LRIG3: variants seen among roughly 807,000 people sequenced by gnomAD.
The protein encoded by LRIG3 is leucine-rich repeats and immunoglobulin-like domains protein 3.
In LRIG3, 76 loss-of-function variants were observed where a neutral mutation model predicts 114.5. The ratio of observed to expected loss-of-function variants is 0.66; its 90% CI spans 0.55 to 0.80. The LOEUF (loss-of-function observed/expected upper bound fraction) is 0.80. Among genes scored for constraint, LRIG3 ranks in the 30% least tolerant of loss-of-function variants. The pLI is 0.00. For synonymous variants in LRIG3, 512 were observed against 519.8 expected, an observed-to-expected ratio of 0.98 and a Z score of 0.20; for missense variants, 1,239 against 1,382.8, an observed-to-expected ratio of 0.90 and a Z score of 1.65.
chr12:58,907,985 G>A (rs892174313), intron 3 of LRIG3, among the ~76,000 whole-genome samples: 3 of 152,112 alleles, frequency 2.0e-5, no homozygotes, highest in East Asian at 1.9e-4. Flanking sequence ...AAGAAAAATC[G>A]CCATCCTTGG....
chr12:58,896,297 C>T (rs1871639558), intron 3 of LRIG3, among the ~76,000 whole-genome samples: 1 of 152,278 alleles, frequency 6.6e-6, no homozygotes, highest in Admixed American at 6.5e-5. Context: ...CTTCTTGATT[C>T]ACTGTAATCT....
At chr12:58,906,145 T>C (rs1872056091) in intron 3 of LRIG3, among the ~76,000 whole-genome samples, 1 of 152,124 alleles carries the variant, frequency 6.6e-6, no homozygotes, top group Non-Finnish European at 1.5e-5. Flanking sequence ...GTCCACTTAA[T>C]AAAAACAAAA....
At chr12:58,893,801 C>T (rs557479743) in intron 3 of LRIG3, among the ~76,000 whole-genome samples, 1 of 152,166 alleles carries the variant, frequency 6.6e-6, no homozygotes, top group Non-Finnish European at 1.5e-5. Context: ...CCCGAGTGCC[C>T]CTCTCTCTAT....
rs1431044928 is a variant in LRIG3, at chr12:58,920,289, G to C, written c.-54C>G. On this transcript the variant is annotated 5_prime_UTR_variant, in exon 1 of 19. Coordinates refer to ENST00000320743, the MANE Select transcript of LRIG3 (RefSeq NM_153377.5). The stretch of plus-strand genomic sequence containing the variant: ...GAAGCTCCCAGCCGGCGCGCGCTCG[G>C]GGCCCGGCACAAACTTCCAGCCGAG... The C allele has an allele frequency of 1.6e-6, 2 of 1,275,526 alleles. No homozygotes were observed. The highest frequency in any genetic ancestry group is 2.0e-6 in the Non-Finnish European group (2 of 1,003,958). 79.0% of individuals were successfully genotyped at this position (1,275,526 alleles called of 1,614,324 possible).
chr12:58,910,361 G>C (rs1034095788), intron 3 of LRIG3, among the ~76,000 whole-genome samples: 3 of 152,176 alleles, frequency 2.0e-5, no homozygotes, highest in Admixed American at 6.5e-5. Flanking sequence ...TTTAATCCCA[G>C]CATTCTGGGA....
chr12:58,892,926 C>A (rs1367583064), intron 3 of LRIG3, among the ~76,000 whole-genome samples: 1 of 152,182 alleles, frequency 6.6e-6, no homozygotes, highest in African/African-American at 2.4e-5. Flanking sequence ...CAGATATGTA[C>A]CTCCCTTGAA....
In LRIG3 at chr12:58,890,115, T is replaced by G; in HGVS notation, c.540A>C (p.Thr180=). The G allele has an allele frequency of 6.2e-7, 1 of 1,613,790 alleles. No individual in the cohort carries two copies. The highest frequency in any genetic ancestry group is 1.1e-5 in the South Asian group (1 of 91,026). Reference sequence around the variant, plus strand: ...TGTCAAAATACCCAGGTTCCATTGATGTGACTCGGTTGCTGTTGAGATACC... The same window carrying G: ...TGTCAAAATACCCAGGTTCCATTGAGGTGACTCGGTTGCTGTTGAGATACC... ...KYLYLNSNRV[T]SMEPGYFDNL... The change falls in exon 5 of 19, where the codon ACA becomes ACC. Residue 180 remains threonine (T), a synonymous_variant. Coordinates refer to ENST00000320743, the MANE Select transcript of LRIG3 (RefSeq NM_153377.5).
chr12:58,905,035 G>GT (rs1480881414), intron 3 of LRIG3, among the ~76,000 whole-genome samples: 1 of 152,132 alleles, frequency 6.6e-6, no homozygotes, highest in Non-Finnish European at 1.5e-5. Flanking sequence ...TGGGAAATAC[G>GT]TATGCAAAAG....
intron 3 of LRIG3, among the ~76,000 whole-genome samples, chr12:58,899,264 T>C (rs1871756908): frequency 6.6e-6 from 1 of 152,228 alleles, no homozygotes; most frequent in Admixed American, 6.5e-5. Context: ...GTCCTTTCAA[T>C]CTAGAAATGT....
Position 58,920,321 on chromosome 12 carries a change from C to A in LRIG3, c.-86G>T. The A allele has an allele frequency of 9.9e-7, 1 of 1,010,900 alleles. No individual in the cohort carries two copies. Among genetic ancestry groups the A allele is most frequent in the East Asian group, 3.3e-5 (1 of 29,914 alleles). The allele number at this position is 1,010,900 out of a possible 1,614,324, so 62.6% of individuals were successfully genotyped here. A position where few individuals can be genotyped will look rare whatever the true frequency, so the allele number is the denominator to read the frequency against. Reference sequence around the variant, plus strand: ...GCACAAACTTCCAGCCGAGGGTGCACGCCCGCCCTCGCGGTCGCGTGCGCG... The same window carrying A: ...GCACAAACTTCCAGCCGAGGGTGCAAGCCCGCCCTCGCGGTCGCGTGCGCG... On this transcript the variant is annotated 5_prime_UTR_variant, in exon 1 of 19. Coordinates refer to ENST00000320743, the MANE Select transcript of LRIG3 (RefSeq NM_153377.5).
intron 13 of LRIG3, chr12:58,880,277 G>A: frequency 7.0e-6 from 3 of 427,356 alleles, no homozygotes; most frequent in Admixed American, 6.8e-5. Flanking sequence ...CCAGCCTTGG[G>A]TGACAGTGCA....
intron 13 of LRIG3, among the ~76,000 whole-genome samples, chr12:58,880,056 T>G (rs1396711738): frequency 6.6e-6 from 1 of 152,120 alleles, no homozygotes; most frequent in African/African-American, 2.4e-5. Context: ...CAGCACTTTG[T>G]GAGGCCAAGG....
chr12:58,872,849 C>T, intron 18 of LRIG3, 33 bp from the exon 19 acceptor site: 1 of 1,589,872 alleles, frequency 6.3e-7, no homozygotes, highest in African/African-American at 1.4e-5. Flanking sequence ...GCACATGGGT[C>T]CCTTTGCTAG....
intron 3 of LRIG3, among the ~76,000 whole-genome samples, chr12:58,907,809 C>A (rs879260951): frequency 3.3e-5 from 5 of 152,172 alleles, no homozygotes; most frequent in Non-Finnish European, 2.9e-5. Context: ...CCCGTGATTT[C>A]TCTTGTCTAC....
chr12:58,872,192 T>C lies in LRIG3; in HGVS notation c.*380A>G, dbSNP rs1870759974. ...ATTTTATTAAATATAATGTGCAAAA[T>C]ATAATGAAGTAACTTCTATTTAAAA... On this transcript the variant is annotated 3_prime_UTR_variant, in exon 19 of 19. Coordinates refer to ENST00000320743, the MANE Select transcript of LRIG3 (RefSeq NM_153377.5). 6.5e-6 allele frequency: 1 copy of C among 153,956 alleles called. No individual in the cohort carries two copies. The highest frequency in any genetic ancestry group is 2.4e-5 in the African/African-American group (1 of 41,496). The allele number at this position is 153,956 out of a possible 1,614,324, so 9.5% of individuals were successfully genotyped here.
chr12:58,919,974 C>T lies in LRIG3; in HGVS notation c.236+26G>A, dbSNP rs747161286. ...CTCGAATCTCCAGCGGCCCGGGCCC[C>T]CTCCCCCCGCGGGAAGAATACTTAC... is the stretch of plus-strand genomic sequence containing the variant. On this transcript the variant is annotated intron_variant, in intron 1 of 18. Transcript: ENST00000320743. 140 of 1,545,772 alleles carry T rather than the reference C, an allele frequency of 9.1e-5. 2 individuals carry two copies. Among genetic ancestry groups the T allele is most frequent in the Middle Eastern group, 5.0e-4 (3 of 5,942 alleles).
intron 8 of LRIG3, 146 bp downstream of exon 8, chr12:58,887,643 T>A: frequency 1.2e-6 from 1 of 801,616 alleles, no homozygotes; most frequent in South Asian, 1.8e-5. Context: ...GGATCCATTG[T>A]AATCAAACTG....
At chr12:58,912,898 C>G (rs560368448) in intron 3 of LRIG3, among the ~76,000 whole-genome samples, 1 of 152,182 alleles carries the variant, frequency 6.6e-6, no homozygotes, top group Non-Finnish European at 1.5e-5. Flanking sequence ...GTTTATTTGT[C>G]AAATACCGAC....
Position 58,898,959 on chromosome 12 carries a change from T to C in LRIG3, c.384-8163A>G, listed in dbSNP as rs114430661. On this transcript the variant is annotated intron_variant, in intron 3 of 18. Coordinates refer to ENST00000320743, the MANE Select transcript of LRIG3 (RefSeq NM_153377.5). ...GGTGGGAGCCACCACGCCCAGCCTCTCTTAGGATTTTGAAGACACTGCTCA... is the reference window on the plus strand; with the variant it reads ...GGTGGGAGCCACCACGCCCAGCCTCCCTTAGGATTTTGAAGACACTGCTCA... Among the ~76,000 whole-genome samples, 1,425 of 152,270 alleles carry C rather than the reference T, an allele frequency of 9.4e-3. 21 individuals carry two copies. The highest frequency in any genetic ancestry group is 0.031 in the African/African-American group (1,303 of 41,558).
Sources: allele counts gnomAD v4.1 joint callset (sites outside exome capture counted in the v4.1 genomes callset), GRCh38; gene constraint gnomAD v4.1.1; transcripts MANE v1.5; gene names NCBI Gene and HGNC (gene_info 2026-07-23, HGNC 2026-07-21).